SYMPK: variants seen among roughly 807,000 people sequenced by gnomAD.
The protein encoded by SYMPK is symplekin.
A neutral mutation model predicts 136.4 loss-of-function variants in SYMPK; 49 were observed. That is an observed-to-expected ratio of 0.36 (90% confidence interval 0.29 to 0.46). The LOEUF (loss-of-function observed/expected upper bound fraction) is 0.46. SYMPK is among the 20% of genes least tolerant of loss of function. The pLI, the probability that SYMPK is intolerant of heterozygous loss-of-function variation, is 1.00. For synonymous variants in SYMPK, 766 were observed against 713.0 expected (o/e 1.07, Z -1.19); for missense variants, 1,365 against 1,690.0 (o/e 0.81, Z 3.37).
intron 11 of SYMPK, among the ~76,000 whole-genome samples, chr19:45,832,097 A>G (rs531407003): frequency 1.3e-5 from 2 of 152,180 alleles, no homozygotes; most frequent in African/African-American, 4.8e-5. Flanking sequence ...CCCGCCTTGG[A>G]CTTCCAAAGT....
chr19:45,848,996 T>C, intron 5 of SYMPK, 120 bp from the exon 6 acceptor site: 1 of 1,226,712 alleles, frequency 8.2e-7, no homozygotes. Flanking sequence ...GAATGGCACA[T>C]CCAGAAGCTG....
At chr19:45,826,040 C>A (rs531041021) in intron 17 of SYMPK, among the ~76,000 whole-genome samples, 186 bp downstream of exon 17, 1 of 152,328 alleles carries the variant, frequency 6.6e-6, no homozygotes, top group South Asian at 2.1e-4. Flanking sequence ...AGATCTCTCT[C>A]CCTGACCCCC....
intron 3 of SYMPK, among the ~76,000 whole-genome samples, chr19:45,853,924 C>G (rs550831706): frequency 6.6e-6 from 1 of 152,304 alleles, no homozygotes; most frequent in African/African-American, 2.4e-5. Flanking sequence ...CAGCCAGCTC[C>G]CAGCAGAGTG....
In SYMPK at chr19:45,816,782, T is replaced by C. The variant is rs985808824; in HGVS notation, c.3258+16A>G. ...CTGGGTGGGGGGAAAGGGTACCTGG[T>C]GGGGGGAAGGGGTACCTGGTGGGGG... On this transcript the variant is annotated intron_variant, in intron 24 of 26. Coordinates refer to ENST00000245934, the MANE Select transcript of SYMPK (RefSeq NM_004819.3). The C allele has an allele frequency of 2.6e-6, 4 of 1,511,598 alleles. No homozygotes were observed. Among genetic ancestry groups the C allele is most frequent in the Middle Eastern group, 3.9e-4 (2 of 5,170 alleles). 93.6% of individuals were successfully genotyped at this position (1,511,598 alleles called of 1,614,324 possible).
chr19:45,817,460 C>T (rs77756656), intron 23 of SYMPK, among the ~76,000 whole-genome samples: 1 of 132,032 alleles, frequency 7.6e-6, no homozygotes, highest in Non-Finnish European at 1.6e-5. Flanking sequence ...GATGGTCTTA[C>T]TCTGCCGCCC....
chr19:45,824,734 TAG>T (rs1970997923), intron 18 of SYMPK, among the ~76,000 whole-genome samples: 1 of 152,138 alleles, frequency 6.6e-6, no homozygotes, highest in African/African-American at 2.4e-5. Flanking sequence ...CCTGTGCCTC[TAG>T]AGAGAGGGGC....
chr19:45,825,998 G>T (rs1397192881), intron 17 of SYMPK, among the ~76,000 whole-genome samples: 1 of 152,076 alleles, frequency 6.6e-6, no homozygotes, highest in East Asian at 1.9e-4. Context: ...CCTTCCTCAG[G>T]CCCCACCGAT....
intron 1 of SYMPK, chr19:45,862,541 G>C (rs892853624): frequency 6.6e-6 from 1 of 152,566 alleles, no homozygotes; most frequent in Non-Finnish European, 1.5e-5. Context: ...ATAAGAGTCG[G>C]ATAACAAATT....
Position 45,816,144 on chromosome 19 carries a change from G to T in SYMPK, c.3394C>A (p.Pro1132Thr). 1 of 1,548,736 alleles carries T rather than the reference G, an allele frequency of 6.5e-7. No homozygotes were observed. The highest frequency in any genetic ancestry group is 8.7e-7 in the Non-Finnish European group (1 of 1,143,820). ...EPLTLAPAPAPRPPQDLIGLR... is the reference protein window; with the variant it reads ...EPLTLAPAPATRPPQDLIGLR... ...CCGATGAGGTCCTGAGGGGGCCGGG[G>T]TGCTGGGGCCGGGGCCAAGGTCAGG... is the stretch of plus-strand genomic sequence containing the variant. Residue 1132 changes from proline to threonine, a missense_variant, in exon 26 of 27, where the codon CCC (proline) becomes ACC (threonine). Pro to Thr is a conservative substitution (Grantham distance 38, BLOSUM62 -1). Around this residue, in one of 11 missense-constraint regions of SYMPK, gnomAD observed 341 missense variants for 270.5 expected, o/e 1.26. Transcript: ENST00000245934.
chr19:45,822,888 C>A, intron 20 of SYMPK, 42 bp from the exon 21 acceptor site: 1 of 1,503,658 alleles, frequency 6.7e-7, no homozygotes, highest in Non-Finnish European at 9.2e-7. Context: ...GAGTCACATA[C>A]ACCCTCATTT....
Position 45,815,706 on chromosome 19 carries a change from CG to C in SYMPK, c.3688-10del. ...CCGCCCGCTGCCGTCTCCTGGTGAC[CG>C]GGGAAGGAAAGGGCAGCCGGGTGGA... On this transcript the variant is annotated splice_polypyrimidine_tract_variant and intron_variant, in intron 26 of 26. Coordinates refer to ENST00000245934, the MANE Select transcript of SYMPK (RefSeq NM_004819.3). 1 of 1,608,258 alleles carries C rather than the reference CG, an allele frequency of 6.2e-7. No homozygotes were observed.
Position 45,823,760 on chromosome 19 carries a change from G to C in SYMPK, c.2599+7C>G, listed in dbSNP as rs753253705. 1.5e-5 allele frequency: 24 copies of C among 1,611,452 alleles called. No homozygotes were observed. The highest frequency in any genetic ancestry group is 2.0e-5 in the Non-Finnish European group (23 of 1,177,780). On this transcript the variant is annotated splice_region_variant and intron_variant, in intron 19 of 26. Coordinates refer to ENST00000245934, the MANE Select transcript of SYMPK (RefSeq NM_004819.3). ...AAGCCATGAAAGGTGGGGGTCTCCA[G>C]GGTCACCTTTGTCTGTGAGGCTGTG...
At chr19:45,843,989 G>A (rs752997465) in intron 8 of SYMPK, 41 bp downstream of exon 8, 4 of 974,944 alleles carry the variant, frequency 4.1e-6, no homozygotes, top group South Asian at 2.2e-5. Flanking sequence ...AGACTGGCCA[G>A]TGAAGAGAAG....
Position 45,826,216 on chromosome 19 carries a change from T to C in SYMPK, c.2329+10A>G. The stretch of plus-strand genomic sequence containing the variant: ...AGCGCTCAGTATGCATCTGATGACC[T>C]GTGCCCAACCTGTGTCCTTGTCAGC... On this transcript the variant is annotated intron_variant, in intron 17 of 26. Transcript: ENST00000245934. The C allele has an allele frequency of 1.2e-6, 2 of 1,608,630 alleles. No individual in the cohort carries two copies. Among genetic ancestry groups the C allele is most frequent in the Admixed American group, 1.7e-5 (1 of 59,246 alleles).
In SYMPK at chr19:45,827,789, G is replaced by C. The variant is rs751219444; in HGVS notation, c.2067+48C>G. 6 of 1,593,428 alleles carry C rather than the reference G, an allele frequency of 3.8e-6. No individual in the cohort carries two copies. The Admixed American group carries it at 1.0e-4, about 27-fold the overall frequency. ...TGTGCCCTTCAGACCCCTCAGGGCA[G>C]GGCCCTGTCCCCTGCCCCGGGCTGC... On this transcript the variant is annotated intron_variant, in intron 15 of 26. Coordinates refer to ENST00000245934, the MANE Select transcript of SYMPK (RefSeq NM_004819.3).
chr19:45,836,317 T>C (rs1240299459), intron 10 of SYMPK, among the ~76,000 whole-genome samples: 3 of 151,850 alleles, frequency 2.0e-5, no homozygotes, highest in African/African-American at 7.3e-5. Flanking sequence ...ATTTCAAACT[T>C]CCTATACATT....
In SYMPK at chr19:45,818,176, T is replaced by C. The variant is rs200186281; in HGVS notation, c.2894-30A>G. On this transcript the variant is annotated intron_variant, in intron 22 of 26. Coordinates refer to ENST00000245934, the MANE Select transcript of SYMPK (RefSeq NM_004819.3). The stretch of plus-strand genomic sequence containing the variant: ...GAGGAGGCGGAGAGTGGGCCTGTCC[T>C]CTCTGCCCAGCTGCCCCCTGGGAGG... The C allele has an allele frequency of 1.0e-4, 151 of 1,502,908 alleles. No homozygotes were observed. In the African/African-American group the frequency reaches 1.9e-3, roughly 19 times the overall value. The allele number at this position is 1,502,908 out of a possible 1,614,324, so 93.1% of individuals were successfully genotyped here.
Position 45,835,090 on chromosome 19 carries a change from C to A in SYMPK, c.1381G>T (p.Gly461Ter). 1 of 1,604,022 alleles carries A rather than the reference C, an allele frequency of 6.2e-7. No individual in the cohort carries two copies. Reference protein sequence around the residue: ...RLMATQMTAAGLGPGVEQTKQ... With the variant: ...RLMATQMTAA The stretch of plus-strand genomic sequence containing the variant: ...AGGACACACTCACCTGGTCCCAGTC[C>A]GGCAGCTGTCATCTGTGTGGCCATG... The change falls in exon 11 of 27, where the codon GGA (glycine) becomes TGA (stop). Residue 461 changes from glycine (G) to a stop codon, truncating the protein, a stop_gained. Transcript: ENST00000245934. LOFTEE classifies it high-confidence loss of function.
intron 9 of SYMPK, 129 bp from the exon 10 acceptor site, chr19:45,838,744 TC>T: frequency 9.4e-7 from 1 of 1,058,386 alleles, no homozygotes; most frequent in African/African-American, 1.6e-5. Context: ...CGGATGAAGA[TC>T]CAGGCTGCAG....
Sources: allele counts gnomAD v4.1 joint callset (sites outside exome capture counted in the v4.1 genomes callset), GRCh38; gene constraint gnomAD v4.1.1; regional missense constraint gnomAD v4.1.1; transcripts MANE v1.5; gene names NCBI Gene and HGNC (gene_info 2026-07-23, HGNC 2026-07-21).